Variants in WDPCP observed in about 807,000 individuals in gnomAD.
The protein encoded by WDPCP is WD repeat-containing and planar cell polarity effector protein fritz homolog.
A neutral mutation model predicts 93.1 loss-of-function variants in WDPCP; 71 were observed. That is an observed-to-expected ratio of 0.76 (90% CI 0.63 to 0.93). The LOEUF is 0.93. Ranked by LOEUF, WDPCP falls within the 40% of genes least tolerant of loss-of-function variation. WDPCP has a pLI of 0.00. For missense variants in WDPCP, 844 were observed against 887.4 expected (o/e 0.95, Z 0.62); for synonymous variants, 315 against 315.0 (o/e 1.00, Z 0.00).
At chr2:63,423,206 T>C (rs1036340267) in intron 9 of WDPCP, among the ~76,000 whole-genome samples, 2 of 152,246 alleles carry the variant, frequency 1.3e-5, no homozygotes, top group African/African-American at 4.8e-5. Context: ...ATGTGTGCTT[T>C]ATTTTATAAT....
chr2:63,764,888 G>A (rs1201117416), intron 2 of WDPCP, among the ~76,000 whole-genome samples: 1 of 152,178 alleles, frequency 6.6e-6, no homozygotes, highest in East Asian at 1.9e-4. Context: ...TCTCTTTGAG[G>A]TCATGTTTGG....
chr2:63,801,976 GC>G (rs1395533339), intron 2 of WDPCP, among the ~76,000 whole-genome samples: 1 of 152,126 alleles, frequency 6.6e-6, no homozygotes, highest in Non-Finnish European at 1.5e-5. Context: ...GCAAGGGAAA[GC>G]AAGTCCATAA....
chr2:63,561,814 A>G (rs1204931764), intron 1 of WDPCP, among the ~76,000 whole-genome samples: 1 of 152,238 alleles, frequency 6.6e-6, no homozygotes, highest in Non-Finnish European at 1.5e-5. Context: ...TCAAAACCAC[A>G]ATGAGATACC....
chr2:63,624,594 A>T (rs1042968806), intron 3 of WDPCP, among the ~76,000 whole-genome samples: 1 of 152,212 alleles, frequency 6.6e-6, no homozygotes, highest in African/African-American at 2.4e-5. Flanking sequence ...AAATGGATAC[A>T]TTCCTGCACA....
the WDPCP span, among the ~76,000 whole-genome samples, chr2:63,835,990 G>A: frequency 6.6e-6 from 1 of 152,148 alleles, no homozygotes; most frequent in South Asian, 2.1e-4. Flanking sequence ...AAGTAGCTAG[G>A]ATTACAGGCG....
chr2:63,538,436 C>G (rs1475004719), intron 1 of WDPCP, among the ~76,000 whole-genome samples: 1 of 152,124 alleles, frequency 6.6e-6, no homozygotes, highest in Non-Finnish European at 1.5e-5. Flanking sequence ...GCTTTCATAA[C>G]TTTAAAATAT....
At chr2:63,459,847 G>T (rs1302847579) in intron 6 of WDPCP, among the ~76,000 whole-genome samples, 1 of 152,156 alleles carries the variant, frequency 6.6e-6, no homozygotes, top group African/African-American at 2.4e-5. Flanking sequence ...AACTTGGGAG[G>T]GGGAGGTTGC....
chr2:63,320,707 C>T (rs1359672566), intron 12 of WDPCP, among the ~76,000 whole-genome samples: 1 of 151,168 alleles, frequency 6.6e-6, no homozygotes, highest in Non-Finnish European at 1.5e-5. Flanking sequence ...ACTGAAAAAG[C>T]AAATAAATAA....
chr2:63,159,292 A>G (rs1297009432), intron 15 of WDPCP, among the ~76,000 whole-genome samples: 1 of 149,352 alleles, frequency 6.7e-6, no homozygotes, highest in Non-Finnish European at 1.5e-5. Flanking sequence ...AGGTGTCACT[A>G]GTTGCCTAGG....
At chr2:63,243,536 A>C (rs1293441985) in intron 14 of WDPCP, among the ~76,000 whole-genome samples, 1 of 152,174 alleles carries the variant, frequency 6.6e-6, no homozygotes, top group East Asian at 1.9e-4. Context: ...AGCAGAAAAC[A>C]AAAAAGAGCA....
At chr2:63,790,684 G>A (rs1052292253) in intron 2 of WDPCP, among the ~76,000 whole-genome samples, 1 of 152,158 alleles carries the variant, frequency 6.6e-6, no homozygotes, top group Non-Finnish European at 1.5e-5. Context: ...GGAGCCAAGC[G>A]AGAACTAACT....
intron 2 of WDPCP, among the ~76,000 whole-genome samples, chr2:63,808,910 C>T (rs1477954401): frequency 2.0e-5 from 3 of 151,910 alleles, no homozygotes; most frequent in East Asian, 2.0e-4. Context: ...CGCCTCTTCC[C>T]GGCCGCCATC....
At chr2:63,751,718 A>C (rs572219710) in intron 2 of WDPCP, 1 of 542,966 alleles carries the variant, frequency 1.8e-6, no homozygotes, top group South Asian at 1.6e-5. Context: ...TGCTGTAACT[A>C]CTGCTGCTAC....
At chr2:63,164,091 C>T (rs1432509641) in intron 15 of WDPCP, among the ~76,000 whole-genome samples, 1 of 151,980 alleles carries the variant, frequency 6.6e-6, no homozygotes, top group Non-Finnish European at 1.5e-5. Flanking sequence ...TTTATTTGTT[C>T]TACAATAAAT....
At chr2:63,185,373 T>C (rs1674543956) in intron 14 of WDPCP, among the ~76,000 whole-genome samples, 1 of 152,172 alleles carries the variant, frequency 6.6e-6, no homozygotes, top group Non-Finnish European at 1.5e-5. Flanking sequence ...TTGAATTTAC[T>C]TGGGTTTGGA....
chr2:63,761,000 G>A (rs1670047971), intron 2 of WDPCP, among the ~76,000 whole-genome samples: 1 of 152,168 alleles, frequency 6.6e-6, no homozygotes, highest in Admixed American at 6.5e-5. Flanking sequence ...CTTGGCTTGG[G>A]GTGGGAGGTG....
chr2:63,776,607 G>A (rs1221491966), intron 2 of WDPCP, among the ~76,000 whole-genome samples: 1 of 135,266 alleles, frequency 7.4e-6, no homozygotes, highest in Non-Finnish European at 1.5e-5. Flanking sequence ...AGTGAGCCAT[G>A]ATTGTGCCAT....
intron 13 of WDPCP, among the ~76,000 whole-genome samples, chr2:63,308,340 C>T (rs1201962414): frequency 1.3e-5 from 2 of 152,170 alleles, no homozygotes; most frequent in Non-Finnish European, 2.9e-5. Context: ...TGTGGCAATT[C>T]CTCAGGGATG....
chr2:63,309,623 A>G (rs890286266), intron 13 of WDPCP, among the ~76,000 whole-genome samples: 6 of 152,194 alleles, frequency 3.9e-5, no homozygotes, highest in African/African-American at 1.4e-4. Context: ...CAATAAATCA[A>G]CTAGTTGTAC....
Sources: gnomAD v4.1 joint callset for allele counts (sites outside exome capture counted in the v4.1 genomes callset) on GRCh38, gnomAD v4.1.1 for gene constraint, MANE v1.5 for transcripts, NCBI Gene and HGNC (gene_info 2026-07-23, HGNC 2026-07-21) for gene names.